Variants in BNIP2 observed in about 807,000 individuals in gnomAD.
BNIP2 encodes BCL2 interacting protein 2, also known as BCL2/adenovirus E1B 19 kDa protein-interacting protein 2.
In BNIP2, 36 loss-of-function variants were observed where a neutral mutation model predicts 43.4. That is an observed-to-expected ratio of 0.83 (90% CI 0.64 to 1.10). The LOEUF (loss-of-function observed/expected upper bound fraction) is 1.10. BNIP2 is among the 50% of genes least tolerant of loss of function. BNIP2 has a pLI of 0.00. For missense variants in BNIP2, 417 were observed against 374.1 expected (o/e 1.11, Z -0.95); for synonymous variants, 146 against 121.0 (o/e 1.21, Z -1.35).
chr15:59,679,674 T>C lies in BNIP2; in HGVS notation c.213A>G (p.Ser71=), dbSNP rs768640627. The C allele has an allele frequency of 6.2e-7, 1 of 1,613,040 alleles. No homozygotes were observed. Among genetic ancestry groups the C allele is most frequent in the Non-Finnish European group, 8.5e-7 (1 of 1,179,508 alleles). The change falls in exon 4 of 10, where the codon TCA becomes TCG. Residue 71 remains serine (S), a synonymous_variant. Transcript: ENST00000607373. ...TLDPSDGSVL[S]DDLDESGEID... is the part of the protein sequence containing the mutation. ...TCTCCCCACTTTCATCCAAATCATC[T>C]GACAATACAGAGCCATCACTAGGAT...
At chr15:59,681,368 GT>G (rs1407019468) in intron 2 of BNIP2, among the ~76,000 whole-genome samples, 1 of 150,986 alleles carries the variant, frequency 6.6e-6, no homozygotes, top group African/African-American at 2.4e-5. Flanking sequence ...ACATGTCAAG[GT>G]GGCTGGCCAG....
intron 9 of BNIP2, chr15:59,668,278 T>C (rs1187785617): frequency 2.5e-6 from 1 of 407,220 alleles, no homozygotes; most frequent in Admixed American, 4.0e-5. Flanking sequence ...AAAGTAAAAA[T>C]TTACTTAATA....
chr15:59,672,589 A>G, intron 6 of BNIP2, 48 bp downstream of exon 6: 1 of 1,278,234 alleles, frequency 7.8e-7, no homozygotes, highest in Non-Finnish European at 1.1e-6. Context: ...GTGTAGATCT[A>G]ATTAGCTCAC....
At chr15:59,688,641 T>C (rs1894175721) in intron 1 of BNIP2, 1 of 1,428,252 alleles carries the variant, frequency 7.0e-7, no homozygotes, top group Non-Finnish European at 9.5e-7. Context: ...GTACACACTC[T>C]GTATTTGGTT....
At position 59,669,371 on chromosome 15, in the gene BNIP2, T is replaced by TAAA; in HGVS notation, c.708-12_708-10dup. ...TTAGATTTTTCCGTAACCTGGAGTT[T>TAAA]AAAAAAAAAACACACACACACAAAG... is the stretch of plus-strand genomic sequence containing the variant. On this transcript the variant is annotated splice_polypyrimidine_tract_variant and intron_variant, in intron 7 of 9. Transcript: ENST00000607373. 7.2e-7 allele frequency: 1 copy of TAAA among 1,390,742 alleles called. No individual in the cohort carries two copies. Among genetic ancestry groups the TAAA allele is most frequent in the Non-Finnish European group, 9.6e-7 (1 of 1,042,974 alleles). The allele number at this position is 1,390,742 out of a possible 1,614,324, so 86.2% of individuals were successfully genotyped here.
intron 2 of BNIP2, 144 bp from the exon 3 acceptor site, chr15:59,680,452 G>T: frequency 1.7e-6 from 1 of 591,104 alleles, no homozygotes; most frequent in South Asian, 2.8e-5. Flanking sequence ...ACAGGGTCTT[G>T]CTGTCTGTCA....
chr15:59,682,965 G>C (rs1893785605), intron 1 of BNIP2, among the ~76,000 whole-genome samples: 1 of 152,176 alleles, frequency 6.6e-6, no homozygotes, highest in African/African-American at 2.4e-5. Context: ...AGCAGAGTCA[G>C]GTGGTGTGCT....
Position 59,661,708 on chromosome 15 carries a change from A to C in BNIP2, c.*2361T>G, listed in dbSNP as rs1892285157. On this transcript the variant is annotated 3_prime_UTR_variant, in exon 10 of 10. Transcript: ENST00000607373. Reference sequence around the variant, plus strand: ...GATCCCAACAGAAAGATAAAAGTACAATCACATATACTTTCACCTTGGTCA... The same window carrying C: ...GATCCCAACAGAAAGATAAAAGTACCATCACATATACTTTCACCTTGGTCA... 6.6e-6 allele frequency: 1 copy of C among 152,246 alleles called. No homozygotes were observed. The highest frequency in any genetic ancestry group is 2.4e-5 in the African/African-American group (1 of 41,464). 9.4% of individuals were successfully genotyped at this position (152,246 alleles called of 1,614,324 possible). A position where few individuals can be genotyped will look rare whatever the true frequency, so the allele number is the denominator to read the frequency against.
intron 9 of BNIP2, among the ~76,000 whole-genome samples, chr15:59,664,649 G>A (rs1245114398): frequency 1.3e-5 from 2 of 152,122 alleles, no homozygotes; most frequent in South Asian, 2.1e-4. Flanking sequence ...CCAAAGTGCT[G>A]GGATTACAGG....
rs1258594827 is a variant in BNIP2, at chr15:59,668,159, T to C, written c.893+733A>G. On this transcript the variant is annotated intron_variant, in intron 9 of 9. Transcript: ENST00000607373. ...CATACCTTTGTAGGGAAGAGTTATT[T>C]CAGTAAATATACATGTTATGAAAAT... 4 of 1,195,712 alleles carry C rather than the reference T, an allele frequency of 3.3e-6. No homozygotes were observed. In the South Asian group the frequency reaches 5.2e-5, roughly 15 times the overall value. The allele number at this position is 1,195,712 out of a possible 1,614,324, so 74.1% of individuals were successfully genotyped here.
intron 4 of BNIP2, 181 bp downstream of exon 4, chr15:59,679,411 G>T: frequency 1.9e-6 from 1 of 520,530 alleles, no homozygotes; most frequent in Non-Finnish European, 3.2e-6. Flanking sequence ...GGGCAAATAA[G>T]AGGGGAAAAA....
intron 5 of BNIP2, among the ~76,000 whole-genome samples, chr15:59,675,174 G>A (rs745805767): frequency 6.6e-6 from 1 of 151,350 alleles, no homozygotes; most frequent in African/African-American, 2.4e-5. Flanking sequence ...GCTTGAGCCT[G>A]GGAGGCAGAG....
Position 59,679,750 on chromosome 15 carries a change from C to T in BNIP2, c.137G>A (p.Gly46Glu). Residue 46 changes from glycine to glutamate, a missense_variant, in exon 4 of 10, where the codon GGA (glycine) becomes GAA (glutamate). By Grantham distance (98) the Gly-to-Glu change is moderately conservative (BLOSUM62 -2). Transcript: ENST00000607373. ...EDQPGSLEVN[G>E]NKVRKKLMAP... ...CATTAGTTTCTTTCTCACTTTATTTCCATTAACTTCTAGTGAGCCTGGAAT... is the reference window on the plus strand; with the variant it reads ...CATTAGTTTCTTTCTCACTTTATTTTCATTAACTTCTAGTGAGCCTGGAAT... 2 of 1,541,650 alleles carry T rather than the reference C, an allele frequency of 1.3e-6. No homozygotes were observed. The highest frequency in any genetic ancestry group is 2.5e-5 in the South Asian group (2 of 80,464).
intron 5 of BNIP2, among the ~76,000 whole-genome samples, chr15:59,673,125 T>A (rs1335740920): frequency 6.7e-6 from 1 of 149,112 alleles, no homozygotes. Flanking sequence ...GTGGGTGCTT[T>A]TTTTTTTTTT....
rs1296045462 is a variant in BNIP2, at chr15:59,661,428, C to T, written c.*2641G>A. On this transcript the variant is annotated 3_prime_UTR_variant, in exon 10 of 10. Coordinates refer to ENST00000607373, the MANE Select transcript of BNIP2 (RefSeq NM_004330.4). ...TATAAAGGTTTGCTTTCTCTTACTT[C>T]CTACTTTTATCACTTTCCAATGCCT... 1 of 151,758 alleles carries T rather than the reference C, an allele frequency of 6.6e-6. No individual in the cohort carries two copies. The highest frequency in any genetic ancestry group is 2.4e-5 in the African/African-American group (1 of 41,296). The allele number at this position is 151,758 out of a possible 1,614,324, so 9.4% of individuals were successfully genotyped here.
intron 1 of BNIP2, among the ~76,000 whole-genome samples, chr15:59,684,621 A>G (rs1235588078): frequency 9.9e-5 from 15 of 152,198 alleles, no homozygotes; most frequent in Admixed American, 4.6e-4. Flanking sequence ...TCTTTTCTAG[A>G]TGTTTAATTT....
intron 5 of BNIP2, chr15:59,677,144 G>A: frequency 6.3e-7 from 1 of 1,598,840 alleles, no homozygotes; most frequent in East Asian, 2.2e-5. Context: ...CTATTTACAT[G>A]CAGAAGGTGA....
intron 4 of BNIP2, 61 bp downstream of exon 4, chr15:59,679,530 AT>A: frequency 6.7e-7 from 1 of 1,492,330 alleles, no homozygotes. Context: ...AGAATGATGT[AT>A]TTCAAACAAA....
chr15:59,668,911 T>C lies in BNIP2; in HGVS notation c.874A>G (p.Ile292Val). 1.9e-6 allele frequency: 3 copies of C among 1,613,544 alleles called. No homozygotes were observed. The highest frequency in any genetic ancestry group is 2.5e-6 in the Non-Finnish European group (3 of 1,179,612). ...ACATACTGTTTTATGCATTCTGGTA[T>C]GCCAACGTATTCCATGGGGACAAGT... ...AELVPMEYVG[I>V]PECIKQVDQE... The change falls in exon 9 of 10, where the codon ATA becomes GTA. Residue 292 changes from isoleucine (I) to valine (V), a missense_variant. Ile to Val is a conservative substitution (Grantham distance 29). Transcript: ENST00000607373.
Sources: allele counts gnomAD v4.1 joint callset (sites outside exome capture counted in the v4.1 genomes callset), GRCh38; gene constraint gnomAD v4.1.1; transcripts MANE v1.5; gene names NCBI Gene and HGNC (gene_info 2026-07-23, HGNC 2026-07-21).